Variants in GSDMA observed in about 807,000 individuals in gnomAD.
The protein encoded by GSDMA is gasdermin-A.
A neutral mutation model predicts 54.3 loss-of-function variants in GSDMA; 55 were observed. That is an observed-to-expected ratio of 1.01 (90% CI 0.82 to 1.27). The LOEUF (loss-of-function observed/expected upper bound fraction) is 1.27. Among genes scored for constraint, GSDMA ranks in the 50% most tolerant of loss-of-function variants. GSDMA has a pLI of 0.00. For synonymous variants in GSDMA, 211 were observed against 224.7 expected (o/e 0.94, Z 0.54); for missense variants, 542 against 542.6 (o/e 1.00, Z 0.01).
intron 10 of GSDMA, 81 bp from the exon 11 acceptor site, chr17:39,975,842 GA>G: frequency 9.6e-7 from 1 of 1,038,862 alleles, no homozygotes; most frequent in Non-Finnish European, 1.4e-6. Context: ...AATGAAGGCT[GA>G]AATTCTGGAA....
In GSDMA at chr17:39,973,951, T is replaced by C. The variant is rs1054286871; in HGVS notation, c.751+121T>C. The C allele has an allele frequency of 5.2e-6, 5 of 967,484 alleles. No homozygotes were observed. The African/African-American group carries it at 8.2e-5, about 16-fold the overall frequency. 59.9% of individuals were successfully genotyped at this position (967,484 alleles called of 1,614,324 possible). Reference sequence around the variant, plus strand: ...TCATGGGAAGGGAAAACAGACTTTCTTTCTCCACTTTTTGCTGGAGTCTCA... The same window carrying C: ...TCATGGGAAGGGAAAACAGACTTTCCTTCTCCACTTTTTGCTGGAGTCTCA... On this transcript the variant is annotated intron_variant, in intron 8 of 11. Coordinates refer to ENST00000301659, the MANE Select transcript of GSDMA (RefSeq NM_178171.5).
Position 39,970,509 on chromosome 17 carries a change from G to GA in GSDMA, c.422dup (p.Glu142GlyfsTer76). 1 of 1,588,020 alleles carries GA rather than the reference G, an allele frequency of 6.3e-7. No homozygotes were observed. The highest frequency in any genetic ancestry group is 2.4e-5 in the East Asian group (1 of 42,062). On this transcript the variant is annotated frameshift_variant, in exon 4 of 12. Coordinates refer to ENST00000301659, the MANE Select transcript of GSDMA (RefSeq NM_178171.5). LOFTEE classifies it high-confidence loss of function. ...AGCTGGCAGCAGACCACCCATTCCT[G>GA]AAGGAGATGCAAGATCAAGGGGAGA...
In GSDMA at chr17:39,972,559, G is replaced by A. The variant is rs936781411; in HGVS notation, c.704-28G>A. ...AAAAGGCAAAAATGGGTTTTGTGCT[G>A]ACAGATGTGCATTTTTTCTGTCTTC... On this transcript the variant is annotated intron_variant, in intron 6 of 11. Transcript: ENST00000301659. 8.7e-6 allele frequency: 14 copies of A among 1,610,980 alleles called. No individual in the cohort carries two copies. The African/African-American group carries it at 1.9e-4, about 22-fold the overall frequency.
chr17:39,965,203 GAAGA>G (rs1197982574), intron 1 of GSDMA, among the ~76,000 whole-genome samples: 2 of 132,592 alleles, frequency 1.5e-5, no homozygotes, highest in South Asian at 2.7e-4. Flanking sequence ...GGGAGAGGGG[GAAGA>G]AAGAAAGAGG....
At chr17:39,972,100 T>TGGCCCCC in intron 5 of GSDMA, 29 bp from the exon 6 acceptor site, 3 of 835,090 alleles carry the variant, frequency 3.6e-6, no homozygotes, top group Non-Finnish European at 2.0e-6. Context: ...CTAAGTGTCC[T>TGGCCCCC]CCCACCCTCC....
Position 39,971,564 on chromosome 17 carries a change from G to A in GSDMA, c.599G>A (p.Gly200Asp), listed in dbSNP as rs115509258. ...NHKEAVTIPK[G>D]CVLAFRVRQL... ...AAGGAGGCTGTAACCATCCCCAAGG[G>A]CTGCGTCCTGGCCTTTCGAGTGAGA... Residue 200 changes from glycine to aspartate, a missense_variant, in exon 5 of 12, where the codon GGC becomes GAC. By Grantham distance (94) the Gly-to-Asp change is moderately conservative (BLOSUM62 -1). Coordinates refer to ENST00000301659, the MANE Select transcript of GSDMA (RefSeq NM_178171.5). 2,105 of 1,613,884 alleles carry A rather than the reference G, an allele frequency of 1.3e-3. 33 individuals carry two copies. In the African/African-American group the frequency reaches 0.025, roughly 19 times the overall value.
chr17:39,968,339 CTTTT>C (rs60315845), intron 3 of GSDMA, among the ~76,000 whole-genome samples: 4 of 41,364 alleles, frequency 9.7e-5, no homozygotes, highest in South Asian at 1.1e-3. Flanking sequence ...TGAGCCCGGT[CTTTT>C]TTTTTTTTTT....
intron 8 of GSDMA, 110 bp downstream of exon 8, chr17:39,973,940 A>C: frequency 9.4e-7 from 1 of 1,064,772 alleles, no homozygotes; most frequent in Non-Finnish European, 1.4e-6. Flanking sequence ...GGGAAGGGAA[A>C]ACAGACTTTC....
Position 39,976,800 on chromosome 17 carries a change from T to C in GSDMA, c.1096-16T>C. The stretch of plus-strand genomic sequence containing the variant: ...TTTCCAGTTCTTTCTTTTCATGCTG[T>C]TTTGATTCCCTCCAGGTGGAGAGCA... On this transcript the variant is annotated splice_polypyrimidine_tract_variant and intron_variant, in intron 11 of 11. Coordinates refer to ENST00000301659, the MANE Select transcript of GSDMA (RefSeq NM_178171.5). The C allele has an allele frequency of 1.2e-6, 2 of 1,613,218 alleles. No homozygotes were observed. The highest frequency in any genetic ancestry group is 1.7e-6 in the Non-Finnish European group (2 of 1,179,286).
intron 7 of GSDMA, among the ~76,000 whole-genome samples, 167 bp downstream of exon 7, chr17:39,972,780 T>C (rs1236114628): frequency 2.2e-5 from 1 of 46,128 alleles, no homozygotes; most frequent in Non-Finnish European, 4.8e-5. Context: ...GAAAAAGCAG[T>C]GGAAAGGGGG....
chr17:39,969,710 C>T (rs1048237275), intron 3 of GSDMA, among the ~76,000 whole-genome samples: 2 of 151,812 alleles, frequency 1.3e-5, no homozygotes, highest in African/African-American at 2.4e-5. Context: ...TTAGGTGGAC[C>T]GGGCATGGTG....
At chr17:39,967,688 T>C (rs1474365984) in intron 3 of GSDMA, among the ~76,000 whole-genome samples, 1 of 152,166 alleles carries the variant, frequency 6.6e-6, no homozygotes, top group East Asian at 1.9e-4. Context: ...CTTTTTTTGT[T>C]TGAAACAGTT....
At chr17:39,964,107 A>G (rs1979527459) in intron 1 of GSDMA, among the ~76,000 whole-genome samples, 3 of 152,194 alleles carry the variant, frequency 2.0e-5, no homozygotes, top group Admixed American at 6.5e-5. Flanking sequence ...AGGAAGGTGC[A>G]TCAGAAGAGC....
Position 39,976,900 on chromosome 17 carries a change from G to A in GSDMA, c.1180G>A (p.Asp394Asn), listed in dbSNP as rs1980223588. The change falls in exon 12 of 12, where the codon GAC becomes AAC. Residue 394 changes from aspartate to asparagine, a missense_variant. By Grantham distance (23) the Asp-to-Asn change is conservative. Coordinates refer to ENST00000301659, the MANE Select transcript of GSDMA (RefSeq NM_178171.5). ...ACCTGAGCTGCTCTCCTCCCTTGGGGACGAGGAGCTGACCCTCACGGAGGC... is the reference window on the plus strand; with the variant it reads ...ACCTGAGCTGCTCTCCTCCCTTGGGAACGAGGAGCTGACCCTCACGGAGGC... ...LQPELLSSLG[D>N]EELTLTEALV... 1 of 1,613,988 alleles carries A rather than the reference G, an allele frequency of 6.2e-7. No homozygotes were observed. Among genetic ancestry groups the A allele is most frequent in the East Asian group, 2.2e-5 (1 of 44,892 alleles).
chr17:39,976,276 ATTTTT>A (rs10549101), intron 11 of GSDMA, among the ~76,000 whole-genome samples: 10 of 142,740 alleles, frequency 7.0e-5, no homozygotes, highest in Admixed American at 7.0e-5. Context: ...TTGTAAGCAA[ATTTTT>A]TTTTTTTTTT....
chr17:39,967,833 C>T (rs781475298), intron 3 of GSDMA, among the ~76,000 whole-genome samples: 3 of 151,606 alleles, frequency 2.0e-5, no homozygotes, highest in Admixed American at 6.6e-5. Flanking sequence ...CCACTACGCC[C>T]GGATAATTTT....
rs569450559 is a variant in GSDMA at position 39,963,802 on chromosome 17, C to G, written c.-6+717C>G. Among the ~76,000 whole-genome samples the G allele has an allele frequency of 7.4e-4, 113 of 152,042 alleles. 5 individuals are homozygous for G. In the South Asian group the frequency reaches 0.023, roughly 31 times the overall value. ...CCAGGAGATGGAGGTTGCAGTGAGC[C>G]GAGATCATGCCATTGCACTCCAGCC... is the stretch of plus-strand genomic sequence containing the variant. On this transcript the variant is annotated intron_variant, in intron 1 of 11. Coordinates refer to ENST00000301659, the MANE Select transcript of GSDMA (RefSeq NM_178171.5).
rs1360564422 is a variant in GSDMA at position 39,977,251 on chromosome 17, A to C, written c.*193A>C. ...ACCCCTCCAGCTCCGCAACCCACTAAGCCCATCTGCTGATGCTTAAATTTT... is the reference window on the plus strand; with the variant it reads ...ACCCCTCCAGCTCCGCAACCCACTACGCCCATCTGCTGATGCTTAAATTTT... On this transcript the variant is annotated 3_prime_UTR_variant, in exon 12 of 12. Transcript: ENST00000301659. 3 of 565,412 alleles carry C rather than the reference A, an allele frequency of 5.3e-6. No individual in the cohort carries two copies. The highest frequency in any genetic ancestry group is 3.0e-5 in the East Asian group (1 of 33,498). The allele number at this position is 565,412 out of a possible 1,614,324, so 35.0% of individuals were successfully genotyped here.
At chr17:39,973,891 A>G in intron 8 of GSDMA, 61 bp downstream of exon 8, 1 of 1,434,346 alleles carries the variant, frequency 7.0e-7, no homozygotes, top group Non-Finnish European at 9.8e-7. Context: ...AGGGGCAGAG[A>G]GAGGAGAAGG....
Sources: allele counts gnomAD v4.1 joint callset (sites outside exome capture counted in the v4.1 genomes callset), GRCh38; gene constraint gnomAD v4.1.1; transcripts MANE v1.5; gene names NCBI Gene and HGNC (gene_info 2026-07-23, HGNC 2026-07-21).